UBAC1: variants seen among roughly 807,000 people sequenced by gnomAD.
UBAC1 encodes UBA domain containing 1, also known as ubiquitin-associated domain-containing protein 1.
A neutral mutation model predicts 45.9 loss-of-function variants in UBAC1; 27 were observed. The observed-to-expected ratio is 0.59, with a 90% CI of 0.43 to 0.81. The LOEUF is 0.81. Ranked by LOEUF, UBAC1 falls within the 30% of genes least tolerant of loss-of-function variation. The pLI is 0.00. For synonymous variants in UBAC1, 227 were observed against 215.5 expected, an observed-to-expected ratio of 1.05 and a Z score of -0.47; for missense variants, 529 against 539.2, an observed-to-expected ratio of 0.98 and a Z score of 0.19.
rs758647305 is a variant in UBAC1, at chr9:135,953,690, G to C, written c.323C>G (p.Ala108Gly). The change falls in exon 3 of 10, where the codon GCA becomes GGA. Residue 108 changes from alanine (A) to glycine (G), a missense_variant. Coordinates refer to ENST00000371756, the MANE Select transcript of UBAC1 (RefSeq NM_016172.3). ...AACTTTGAAATTTACCTTTTCTTCTGCTGAGACATCAGCCATCTTGGGAAG... is the reference window on the plus strand; with the variant it reads ...AACTTTGAAATTTACCTTTTCTTCTCCTGAGACATCAGCCATCTTGGGAAG... ...SPLPKMADVS[A>G]EEKKKQDQKA... 3 of 1,612,768 alleles carry C rather than the reference G, an allele frequency of 1.9e-6. No homozygotes were observed. The East Asian group carries it at 6.7e-5, about 36-fold the overall frequency.
rs1588529423 is a variant in UBAC1, at chr9:135,936,482, G to A, written c.1102+1740C>T. On this transcript the variant is annotated intron_variant, in intron 9 of 9. Coordinates refer to ENST00000371756, the MANE Select transcript of UBAC1 (RefSeq NM_016172.3). Reference sequence around the variant, plus strand: ...AAAACGTGTTTCTGACTTTCGGATAGGAGGGTTTTCCTTTTTCTTTTTTTT... The same window carrying A: ...AAAACGTGTTTCTGACTTTCGGATAAGAGGGTTTTCCTTTTTCTTTTTTTT... 6.0e-5 allele frequency among the ~76,000 whole-genome samples: 9 copies of A among 151,066 alleles called. 3 individuals are homozygous for A. In the Admixed American group the frequency reaches 6.0e-4, roughly 10 times the overall value.
At chr9:135,945,795 A>G in intron 6 of UBAC1, 94 bp downstream of exon 6, 1 of 916,760 alleles carries the variant, frequency 1.1e-6, no homozygotes, top group Non-Finnish European at 1.7e-6. Flanking sequence ...TCAGTCAAAG[A>G]GTTTAGGGTA....
chr9:135,952,705 C>A (rs953587928), intron 3 of UBAC1, among the ~76,000 whole-genome samples: 11 of 152,238 alleles, frequency 7.2e-5, no homozygotes, highest in African/African-American at 2.7e-4. Context: ...AGCTGAGTAT[C>A]CCTCATCTGA....
At chr9:135,937,888 C>T (rs1839218132) in intron 9 of UBAC1, among the ~76,000 whole-genome samples, 1 of 152,214 alleles carries the variant, frequency 6.6e-6, no homozygotes, top group African/African-American at 2.4e-5. Context: ...AAAGCCCAAA[C>T]CACACCTTGT....
Position 135,959,372 on chromosome 9 carries a change from G to T in UBAC1, c.138+1653C>A, listed in dbSNP as rs73668049. Among the ~76,000 whole-genome samples the T allele has an allele frequency of 3.7e-3, 374 of 99,826 alleles. 8 individuals carry two copies. The highest frequency in any genetic ancestry group is 0.011 in the African/African-American group (302 of 26,372). The allele number at this position is 99,826 out of a possible 152,430, so 65.5% of individuals were successfully genotyped here. ...AGAAGTTTCTAGGGTTTTTTGTCTG[G>T]TTTTTTTTTTTTTTTTTTTTTGAGA... On this transcript the variant is annotated intron_variant, in intron 1 of 9. Transcript: ENST00000371756.
intron 2 of UBAC1, among the ~76,000 whole-genome samples, chr9:135,955,002 A>G (rs951059228): frequency 3.3e-5 from 5 of 152,248 alleles, no homozygotes; most frequent in Non-Finnish European, 5.9e-5. Context: ...AAACCTGCAG[A>G]ACCCCTGGAG....
At chr9:135,959,299 CCT>C (rs1205792883) in intron 1 of UBAC1, among the ~76,000 whole-genome samples, 1 of 151,816 alleles carries the variant, frequency 6.6e-6, no homozygotes, top group Non-Finnish European at 1.5e-5. Context: ...AAACCGAACC[CCT>C]GAGGAGCTTC....
At chr9:135,959,199 T>C (rs746800431) in intron 1 of UBAC1, among the ~76,000 whole-genome samples, 22 of 152,274 alleles carry the variant, frequency 1.4e-4, no homozygotes, top group East Asian at 7.7e-4. Flanking sequence ...GTCGATGCAG[T>C]GTGGGGTCCA....
intron 2 of UBAC1, among the ~76,000 whole-genome samples, chr9:135,954,196 C>T (rs1231914964): frequency 6.6e-6 from 1 of 151,592 alleles, no homozygotes; most frequent in Non-Finnish European, 1.5e-5. Context: ...GTGGCTCACT[C>T]CTGTAATCCC....
At chr9:135,946,661 C>A (rs1232409086) in intron 4 of UBAC1, among the ~76,000 whole-genome samples, 1 of 152,202 alleles carries the variant, frequency 6.6e-6, no homozygotes, top group African/African-American at 2.4e-5. Flanking sequence ...GCCCAGCTGG[C>A]GCAGGTGCAG....
chr9:135,933,548 A>G (rs763008295), intron 9 of UBAC1, 33 bp from the exon 10 acceptor site: 1 of 1,527,052 alleles, frequency 6.5e-7, no homozygotes, highest in East Asian at 2.2e-5. Context: ...CTGAGTGCCC[A>G]CGCCCCCACT....
At chr9:135,939,566 C>A (rs1839244078) in intron 8 of UBAC1, 107 bp downstream of exon 8, 3 of 1,118,264 alleles carry the variant, frequency 2.7e-6, no homozygotes, top group Non-Finnish European at 3.9e-6. Context: ...TCACCACAGC[C>A]CACACTCACT....
intron 3 of UBAC1, among the ~76,000 whole-genome samples, chr9:135,950,254 A>C (rs1195969168): frequency 1.3e-5 from 2 of 152,242 alleles, no homozygotes; most frequent in Non-Finnish European, 2.9e-5. Flanking sequence ...AAGCAGCTAC[A>C]TGTGTGGCGA....
rs1374833724 is a variant in UBAC1 at position 135,945,226 on chromosome 9, C to T, written c.678G>A (p.Glu226=). 1.3e-6 allele frequency: 2 copies of T among 1,597,286 alleles called. No individual in the cohort carries two copies. Among genetic ancestry groups the T allele is most frequent in the Admixed American group, 1.7e-5 (1 of 58,118 alleles). ...LNHMSVPQAM[E]WLIEHAEDPT... ...GGTCTTCTGCGTGTTCAATTAGCCA[C>T]TCCATGGCCTGAGGCACCGACATGC... Residue 226 remains glutamate (E), a synonymous_variant, in exon 7 of 10, where the codon GAG becomes GAA. Coordinates refer to ENST00000371756, the MANE Select transcript of UBAC1 (RefSeq NM_016172.3).
At chr9:135,955,014 C>A (rs529315575) in intron 2 of UBAC1, among the ~76,000 whole-genome samples, 6 of 152,360 alleles carry the variant, frequency 3.9e-5, no homozygotes, top group African/African-American at 1.4e-4. Context: ...CCCCTGGAGT[C>A]TCTGGCTTTG....
Position 135,961,176 on chromosome 9 carries a change from C to CA in UBAC1, c.-15dup. The CA allele has an allele frequency of 6.6e-7, 1 of 1,525,982 alleles. No individual in the cohort carries two copies. The highest frequency in any genetic ancestry group is 8.7e-7 in the Non-Finnish European group (1 of 1,144,432). The allele number at this position is 1,525,982 out of a possible 1,614,324, so 94.5% of individuals were successfully genotyped here. On this transcript the variant is annotated 5_prime_UTR_variant, in exon 1 of 10. Transcript: ENST00000371756. ...CTGCACGAACATCCCGCCGCCGCCG[C>CA]AGGGGCCTGCGCCCGCCACCCGGGC... is the stretch of plus-strand genomic sequence containing the variant.
At chr9:135,945,475 G>A (rs1175159592) in intron 6 of UBAC1, 1 of 524,506 alleles carries the variant, frequency 1.9e-6, no homozygotes, top group Non-Finnish European at 3.3e-6. Context: ...TGTCTAAGGA[G>A]AGGCAAGCGG....
At chr9:135,934,419 G>A (rs1366309375) in intron 9 of UBAC1, among the ~76,000 whole-genome samples, 2 of 152,214 alleles carry the variant, frequency 1.3e-5, no homozygotes, top group Non-Finnish European at 2.9e-5. Flanking sequence ...CCAACACTTT[G>A]GGAGGCCGAA....
At chr9:135,957,352 A>G (rs1426272757) in intron 1 of UBAC1, among the ~76,000 whole-genome samples, 2 of 152,114 alleles carry the variant, frequency 1.3e-5, no homozygotes, top group African/African-American at 2.4e-5. Context: ...GTGCTTCCTC[A>G]TGATCCTAAA....
Sources: allele counts gnomAD v4.1 joint callset (sites outside exome capture counted in the v4.1 genomes callset), GRCh38; gene constraint gnomAD v4.1.1; transcripts MANE v1.5; gene names NCBI Gene and HGNC (gene_info 2026-07-23, HGNC 2026-07-21).